Variants in ABLIM1 observed in about 807,000 individuals in gnomAD.
ABLIM1 encodes the protein actin-binding LIM protein 1.
Under a neutral mutation model 107.0 loss-of-function variants are expected in ABLIM1, and 40 were observed. The observed-to-expected ratio is 0.37, with a 90% CI of 0.29 to 0.49. ABLIM1 has a LOEUF of 0.49. ABLIM1 is among the 20% of genes least tolerant of loss of function. The probability of loss-of-function intolerance (pLI) is 0.97; values close to 1 mark genes in which losing one functional copy is unlikely to be tolerated. For missense variants in ABLIM1, 857 were observed against 1,008.5 expected (o/e 0.85, Z 2.04); for synonymous variants, 357 against 357.3 (o/e 1.00, Z 0.01).
At chr10:114,438,507 C>T (rs112920592) in intron 21 of ABLIM1, among the ~76,000 whole-genome samples, 31 of 152,294 alleles carry the variant, frequency 2.0e-4, no homozygotes, top group African/African-American at 6.7e-4. Flanking sequence ...GCCATCTACC[C>T]GCCTTGGCCT....
intron 1 of ABLIM1, among the ~76,000 whole-genome samples, chr10:114,609,584 A>G (rs983874098): frequency 6.6e-6 from 1 of 152,268 alleles, no homozygotes; most frequent in Non-Finnish European, 1.5e-5. Context: ...TGTCTGAAAT[A>G]GTTCTGATAT....
chr10:114,611,378 C>T (rs1380244138), intron 1 of ABLIM1, among the ~76,000 whole-genome samples: 1 of 151,198 alleles, frequency 6.6e-6, no homozygotes, highest in Non-Finnish European at 1.5e-5. Flanking sequence ...GAGGCTGAGG[C>T]AGGAGAATTG....
chr10:114,451,767 G>T, intron 13 of ABLIM1, 96 bp from the exon 14 acceptor site: 1 of 1,042,330 alleles, frequency 9.6e-7, no homozygotes, highest in Non-Finnish European at 1.4e-6. Flanking sequence ...TGAAGATCTT[G>T]AACAAAAACA....
At chr10:114,600,653 T>C (rs1341428931) in intron 2 of ABLIM1, among the ~76,000 whole-genome samples, 1 of 152,092 alleles carries the variant, frequency 6.6e-6, no homozygotes, top group Non-Finnish European at 1.5e-5. Context: ...TTTCCAGAAA[T>C]GAAGGTGCGT....
chr10:114,777,062 A>G, the ABLIM1 span, among the ~76,000 whole-genome samples: 3 of 152,076 alleles, frequency 2.0e-5, no homozygotes, highest in Non-Finnish European at 4.4e-5. Context: ...ACCCTCTCCA[A>G]TTATAAATAT....
chr10:114,787,039 T>G, the ABLIM1 span, among the ~76,000 whole-genome samples: 1 of 149,742 alleles, frequency 6.7e-6, no homozygotes, highest in African/African-American at 2.5e-5. Flanking sequence ...CCATCCCATC[T>G]AGGAAGTGAG....
rs913556822 is a variant in ABLIM1, at chr10:114,556,705, T to C, written c.674-8929A>G. Reference sequence around the variant, plus strand: ...AGAATGTTGGTCTAGCAAGTGTATATTGTTGAATGTTGACCTTCATCTTCA... The same window carrying C: ...AGAATGTTGGTCTAGCAAGTGTATACTGTTGAATGTTGACCTTCATCTTCA... On this transcript the variant is annotated intron_variant, in intron 4 of 22. Coordinates refer to ENST00000533213, the MANE Select transcript of ABLIM1 (RefSeq NM_002313.7). 3.9e-5 allele frequency among the ~76,000 whole-genome samples: 6 copies of C among 152,330 alleles called. No homozygotes were observed. The South Asian group carries it at 1.2e-3, about 32-fold the overall frequency.
At chr10:114,601,681 C>T (rs753004946) in intron 2 of ABLIM1, 146 bp downstream of exon 2, 59 of 1,353,042 alleles carry the variant, frequency 4.4e-5, no homozygotes, top group Non-Finnish European at 5.3e-6. Context: ...TAACTGAATC[C>T]CAAACTGGCA....
chr10:114,498,253 T>C (rs983586241), intron 6 of ABLIM1, among the ~76,000 whole-genome samples: 2 of 152,252 alleles, frequency 1.3e-5, no homozygotes, highest in Non-Finnish European at 2.9e-5. Context: ...TGTAAAATTC[T>C]ATGTTTCGGT....
chr10:114,461,393 GTTT>G (rs11297952), intron 12 of ABLIM1, among the ~76,000 whole-genome samples: 39 of 140,772 alleles, frequency 2.8e-4, no homozygotes, highest in African/African-American at 5.1e-4. Context: ...CAACTGAAGG[GTTT>G]TTTTTTTTTT....
the ABLIM1 span, chr10:114,775,856 A>G: frequency 9.9e-5 from 15 of 152,236 alleles, no homozygotes; most frequent in African/African-American, 3.6e-4. Context: ...TTATGTTCCT[A>G]ATATATAGGC....
chr10:114,675,319 G>C (rs139121100), intron 1 of ABLIM1, among the ~76,000 whole-genome samples: 295 of 152,270 alleles, frequency 1.9e-3, no homozygotes, highest in African/African-American at 6.8e-3. Flanking sequence ...TGTTACTGGA[G>C]GGACCCAGTG....
chr10:114,528,830 T>C (rs1257198463), intron 6 of ABLIM1, among the ~76,000 whole-genome samples: 1 of 152,258 alleles, frequency 6.6e-6, no homozygotes, highest in Non-Finnish European at 1.5e-5. Context: ...ATAGGCACCA[T>C]GTTGTGCTGG....
exon 1 of ABLIM1, chr10:114,684,834 T>C (rs1021811137): frequency 3.2e-6 from 2 of 622,022 alleles, no homozygotes; most frequent in African/African-American, 4.0e-5. Flanking sequence ...CCCAGCCTTC[T>C]GCCTCCTCTT....
chr10:114,651,839 G>T (rs138688916), intron 1 of ABLIM1, among the ~76,000 whole-genome samples: 1 of 152,152 alleles, frequency 6.6e-6, no homozygotes, highest in East Asian at 1.9e-4. Flanking sequence ...ACTGCTGTTT[G>T]GGGGGAACCA....
intron 1 of ABLIM1, among the ~76,000 whole-genome samples, chr10:114,710,231 C>G (rs78408944): frequency 0.016 from 2,477 of 152,228 alleles, 66 homozygotes; most frequent in African/African-American, 0.055. Flanking sequence ...CCAGCCTCGG[C>G]AACATGGTGA....
At chr10:114,573,297 C>T (rs1282227226) in intron 3 of ABLIM1, among the ~76,000 whole-genome samples, 2 of 152,210 alleles carry the variant, frequency 1.3e-5, no homozygotes, top group African/African-American at 2.4e-5. Flanking sequence ...GATATTAACT[C>T]CTGGTTCCCT....
At chr10:114,611,452 C>T (rs1411225721) in intron 1 of ABLIM1, among the ~76,000 whole-genome samples, 4 of 145,770 alleles carry the variant, frequency 2.7e-5, no homozygotes, top group African/African-American at 1.0e-4. Context: ...GCCTGGGTGA[C>T]AGGTGAGACT....
chr10:114,711,703 A>G (rs1419533990), intron 1 of ABLIM1, among the ~76,000 whole-genome samples: 1 of 152,162 alleles, frequency 6.6e-6, no homozygotes, highest in Non-Finnish European at 1.5e-5. Flanking sequence ...CAAGGGGTGG[A>G]GTCGATGCTA....
Sources: gnomAD v4.1 joint callset for allele counts (sites outside exome capture counted in the v4.1 genomes callset) on GRCh38, gnomAD v4.1.1 for gene constraint, MANE v1.5 for transcripts, NCBI Gene and HGNC (gene_info 2026-07-23, HGNC 2026-07-21) for gene names.